Variants in GALNT18 observed in about 807,000 individuals in gnomAD.
The protein encoded by GALNT18 is GalNAc-transferase 18.
GALNT18 carries 44 observed loss-of-function variants against 69.5 expected under a neutral mutation model. The observed-to-expected ratio is 0.63, with a 90% CI of 0.50 to 0.81. GALNT18 has a LOEUF of 0.81. GALNT18 is among the 40% of genes least tolerant of loss of function. The pLI, the probability that GALNT18 is intolerant of heterozygous loss-of-function variation, is 0.00. For missense variants in GALNT18, 715 were observed against 810.0 expected (o/e 0.88, Z 1.42); for synonymous variants, 364 against 318.2 (o/e 1.14, Z -1.53).
chr11:11,593,201 T>C (rs1859402659), intron 1 of GALNT18, among the ~76,000 whole-genome samples: 1 of 152,226 alleles, frequency 6.6e-6, no homozygotes, highest in South Asian at 2.1e-4. Context: ...CCAATGCAGC[T>C]CCCTTTAGGC....
At position 11,377,068 on chromosome 11, in the gene GALNT18, C is replaced by T. The variant is rs1301222939; in HGVS notation, c.977+114G>A. The T allele has an allele frequency of 9.4e-6, 9 of 954,064 alleles. No homozygotes were observed. Among genetic ancestry groups the T allele is most frequent in the Admixed American group, 2.0e-5 (1 of 49,160 alleles). The allele number at this position is 954,064 out of a possible 1,614,324, so 59.1% of individuals were successfully genotyped here. ...GACTGCAGTTCCTTTCGACCCTGCC[C>T]ACCCCTGTCATCCCCACGATGGGGC... On this transcript the variant is annotated intron_variant, in intron 5 of 10. Transcript: ENST00000227756. The surrounding 1 kb of genome is among the most constrained non-coding windows in gnomAD (Gnocchi z 4.6).
At chr11:11,443,333 C>G (rs1855573801) in intron 2 of GALNT18, among the ~76,000 whole-genome samples, 1 of 152,176 alleles carries the variant, frequency 6.6e-6, no homozygotes, top group Non-Finnish European at 1.5e-5. Flanking sequence ...GGGCAAAGGA[C>G]TTCTTCAGTC....
chr11:11,355,115 A>G (rs892358101), intron 6 of GALNT18, among the ~76,000 whole-genome samples: 5 of 152,072 alleles, frequency 3.3e-5, no homozygotes, highest in African/African-American at 7.2e-5. Context: ...TTCAATCCGT[A>G]TTGCCCTCCA....
At chr11:11,514,325 G>T (rs972840607) in intron 1 of GALNT18, among the ~76,000 whole-genome samples, 2 of 152,182 alleles carry the variant, frequency 1.3e-5, no homozygotes, top group African/African-American at 4.8e-5. Context: ...GCAGGCAGAG[G>T]CTCCCCATTT....
chr11:11,502,936 T>C (rs921872449), intron 1 of GALNT18, among the ~76,000 whole-genome samples: 2 of 152,208 alleles, frequency 1.3e-5, no homozygotes, highest in African/African-American at 2.4e-5. Context: ...TCTTGGGATA[T>C]TGGTCTGCCC....
intron 10 of GALNT18, among the ~76,000 whole-genome samples, chr11:11,271,905 A>G (rs966727762): frequency 2.0e-5 from 3 of 152,142 alleles, no homozygotes; most frequent in African/African-American, 7.2e-5. Context: ...TGCTCCTCAT[A>G]TCAGCCCTAT....
chr11:11,352,649 G>A, intron 6 of GALNT18: 1 of 1,614,172 alleles, frequency 6.2e-7, no homozygotes, highest in Non-Finnish European at 8.5e-7. Flanking sequence ...TATGGGGCTT[G>A]ACATCTCTGT....
At chr11:11,278,902 C>G (rs1476186508) in intron 10 of GALNT18, among the ~76,000 whole-genome samples, 1 of 152,014 alleles carries the variant, frequency 6.6e-6, no homozygotes, top group Non-Finnish European at 1.5e-5. Context: ...AAAAGATAAC[C>G]CAATTATTCT....
chr11:11,607,567 CA>C (rs2133956344), intron 1 of GALNT18, among the ~76,000 whole-genome samples: 1 of 152,302 alleles, frequency 6.6e-6, no homozygotes, highest in South Asian at 2.1e-4. Context: ...TATCATGCAA[CA>C]AAATGCACAT....
At chr11:11,536,920 C>T (rs1857786164) in intron 1 of GALNT18, among the ~76,000 whole-genome samples, 1 of 152,208 alleles carries the variant, frequency 6.6e-6, no homozygotes, top group East Asian at 1.9e-4. Context: ...GCACCACTAC[C>T]TAAGTTTCTT....
intron 7 of GALNT18, among the ~76,000 whole-genome samples, chr11:11,333,213 G>T (rs762116385): frequency 6.6e-6 from 1 of 151,972 alleles, no homozygotes; most frequent in Non-Finnish European, 1.5e-5. Context: ...TGAGAGAGAG[G>T]GGGGAAGGAA....
At chr11:11,514,147 C>G (rs1311402339) in intron 1 of GALNT18, among the ~76,000 whole-genome samples, 4 of 152,240 alleles carry the variant, frequency 2.6e-5, no homozygotes, top group African/African-American at 9.6e-5. Context: ...ATTCCCACAT[C>G]ACAGAAGAGG....
chr11:11,390,185 C>T (rs1234946479), intron 3 of GALNT18, among the ~76,000 whole-genome samples: 1 of 152,182 alleles, frequency 6.6e-6, no homozygotes, highest in African/African-American at 2.4e-5. Context: ...TCATGGCTTA[C>T]AAGGTCAAAC....
At position 11,592,357 on chromosome 11, in the gene GALNT18, T is replaced by A. The variant is rs1859378523; in HGVS notation, c.235+29002A>T. On this transcript the variant is annotated intron_variant, in intron 1 of 10. Coordinates refer to ENST00000227756, the MANE Select transcript of GALNT18 (RefSeq NM_198516.3). This position sits in a 1 kb window ranked among gnomAD's most constrained non-coding sequence, Gnocchi z 5.9. ...TCCAGCAGACAAAAACATATTGACA[T>A]GCTGTTCCTGCAAGGAAGTGGACTG... 6.6e-6 allele frequency among the ~76,000 whole-genome samples: 1 copy of A among 152,224 alleles called. No homozygotes were observed.
intron 9 of GALNT18, among the ~76,000 whole-genome samples, chr11:11,296,206 A>G (rs906255463): frequency 3.9e-5 from 6 of 152,192 alleles, no homozygotes; most frequent in Admixed American, 3.9e-4. Context: ...CCAACAACAT[A>G]TCAGGAAACA....
rs1226073010 is a variant in GALNT18 at position 11,583,468 on chromosome 11, G to A, written c.235+37891C>T. ...TCCATAGGTGAAAATAAAATCCACG[G>A]GGTAAAAAGGTTTCTAGCTCTGTTT... On this transcript the variant is annotated intron_variant, in intron 1 of 10. Coordinates refer to ENST00000227756, the MANE Select transcript of GALNT18 (RefSeq NM_198516.3). This position sits in a 1 kb window ranked among gnomAD's most constrained non-coding sequence, Gnocchi z 4.7. Among the ~76,000 whole-genome samples, 1 of 152,114 alleles carries A rather than the reference G, an allele frequency of 6.6e-6. No individual in the cohort carries two copies. Among genetic ancestry groups the A allele is most frequent in the East Asian group, 1.9e-4 (1 of 5,188 alleles).
chr11:11,403,043 C>T (rs1446880961), intron 3 of GALNT18, among the ~76,000 whole-genome samples: 3 of 152,280 alleles, frequency 2.0e-5, no homozygotes, highest in South Asian at 4.2e-4. Flanking sequence ...GACGCTCCAG[C>T]ATGATGTGGA....
intron 9 of GALNT18, among the ~76,000 whole-genome samples, chr11:11,295,681 G>A (rs572694249): frequency 4.6e-5 from 7 of 152,188 alleles, no homozygotes; most frequent in Admixed American, 3.9e-4. Context: ...AGCAGAAGAC[G>A]CTCATTACAG....
chr11:11,429,125 C>T (rs991721843), intron 3 of GALNT18, among the ~76,000 whole-genome samples: 1 of 152,210 alleles, frequency 6.6e-6, no homozygotes, highest in African/African-American at 2.4e-5. Flanking sequence ...TAAAGCTTCT[C>T]GCTGAGGTTT....
Sources: gnomAD v4.1 joint callset for allele counts (sites outside exome capture counted in the v4.1 genomes callset) on GRCh38, gnomAD v4.1.1 for gene constraint, Gnocchi (gnomAD v3.1) non-coding constraint, MANE v1.5 for transcripts, NCBI Gene and HGNC (gene_info 2026-07-23, HGNC 2026-07-21) for gene names.